ACOXL: variants seen among roughly 807,000 people sequenced by gnomAD.
ACOXL encodes acyl-coenzyme A oxidase-like protein.
Under a neutral mutation model 71.9 loss-of-function variants are expected in ACOXL, and 70 were observed. The observed-to-expected ratio is 0.97, with a 90% CI of 0.80 to 1.19. The LOEUF is 1.19. Ranked by LOEUF, ACOXL falls within the 50% of genes most tolerant of loss-of-function variation. The pLI is 0.00. For missense variants in ACOXL, 703 were observed against 736.3 expected, an observed-to-expected ratio of 0.95 and a Z score of 0.52; for synonymous variants, 253 against 281.6, an observed-to-expected ratio of 0.90 and a Z score of 1.02.
Position 111,109,671 on chromosome 2 carries a change from ATTTTTTT to A in ACOXL, c.1543-7926_1543-7920del, listed in dbSNP as rs869081161. 4.2e-3 allele frequency among the ~76,000 whole-genome samples: 317 copies of A among 75,664 alleles called. No individual in the cohort carries two copies. The Middle Eastern group carries it at 0.056, about 13-fold the overall frequency. 49.6% of individuals were successfully genotyped at this position (75,664 alleles called of 152,430 possible). A position where few individuals can be genotyped will look rare whatever the true frequency, so the allele number is the denominator to read the frequency against. On this transcript the variant is annotated intron_variant, in intron 17 of 17. Coordinates refer to ENST00000439055, the MANE Select transcript of ACOXL (RefSeq NM_001142807.4). ...CTATTATATCCATTTTTCTCCTTCT[ATTTTTTT>A]TTTTTTTTTTTTTTTTTTGAGACAG... is the stretch of plus-strand genomic sequence containing the variant.
At chr2:111,099,863 A>G (rs2069025952) in intron 17 of ACOXL, 1 of 152,272 alleles carries the variant, frequency 6.6e-6, no homozygotes, top group Non-Finnish European at 1.5e-5. Flanking sequence ...ACAATTGTAT[A>G]TCTCCATTAA....
intron 16 of ACOXL, among the ~76,000 whole-genome samples, chr2:111,071,021 G>A (rs1017243029): frequency 6.6e-6 from 1 of 152,172 alleles, no homozygotes; most frequent in Non-Finnish European, 1.5e-5. Flanking sequence ...CAAAGACTTA[G>A]AAGGAAAAGC....
intron 12 of ACOXL, among the ~76,000 whole-genome samples, chr2:110,982,213 T>C (rs1192438112): frequency 2.0e-5 from 3 of 152,130 alleles, no homozygotes; most frequent in African/African-American, 7.2e-5. Flanking sequence ...TGGAGTGCAG[T>C]GGCGCAATCT....
At chr2:111,013,711 G>A (rs190322170) in intron 14 of ACOXL, among the ~76,000 whole-genome samples, 5 of 152,010 alleles carry the variant, frequency 3.3e-5, no homozygotes, top group Admixed American at 2.6e-4. Context: ...TCCAGGTCCA[G>A]ATGGTTTTAC....
At chr2:111,066,403 A>G (rs2067074188) in intron 16 of ACOXL, among the ~76,000 whole-genome samples, 1 of 152,138 alleles carries the variant, frequency 6.6e-6, no homozygotes, top group Admixed American at 6.6e-5. Flanking sequence ...AGAGGAAGGA[A>G]GTAGGTGTGG....
intron 17 of ACOXL, among the ~76,000 whole-genome samples, chr2:111,110,164 T>C (rs192923491): frequency 4.1e-4 from 62 of 152,240 alleles, no homozygotes; most frequent in Non-Finnish European, 6.8e-4. Context: ...CTATAACAGA[T>C]TTTACTTTCT....
intron 14 of ACOXL, among the ~76,000 whole-genome samples, chr2:111,029,125 A>G (rs2065148237): frequency 6.6e-6 from 1 of 152,216 alleles, no homozygotes. Context: ...CTTAAAACAG[A>G]GCCTGTTTTC....
intron 1 of ACOXL, among the ~76,000 whole-genome samples, chr2:110,751,269 C>T (rs1232544643): frequency 5.4e-5 from 8 of 148,320 alleles, no homozygotes; most frequent in Non-Finnish European, 1.0e-4. Flanking sequence ...CCACTGCACT[C>T]CAGCCTGGGC....
In ACOXL at chr2:110,908,848, A is replaced by G. The variant is rs1415607704; in HGVS notation, c.848A>G (p.Gln283Arg). 3.1e-6 allele frequency: 5 copies of G among 1,614,184 alleles called. No individual in the cohort carries two copies. The East Asian group carries it at 8.9e-5, about 29-fold the overall frequency. ...EEVKIIEHQT[Q>R]TLRLMPHLAT... ...GTGAAGATCATTGAGCACCAAACAC[A>G]GACCCTGCGGCTGATGCCCCACCTG... The change falls in exon 11 of 18, where the codon CAG becomes CGG. Residue 283 changes from glutamine to arginine, a missense_variant. Gln to Arg is a conservative substitution (Grantham distance 43). Coordinates refer to ENST00000439055, the MANE Select transcript of ACOXL (RefSeq NM_001142807.4).
Position 110,875,192 on chromosome 2 carries a change from G to A in ACOXL, c.789-33597G>A, listed in dbSNP as rs114101468. On this transcript the variant is annotated intron_variant, in intron 10 of 17. Coordinates refer to ENST00000439055, the MANE Select transcript of ACOXL (RefSeq NM_001142807.4). ...CAGGATGTACACTTTGTTTCACAGG[G>A]ACAAAGGATGGCCGTTCATGTGTAA... Among the ~76,000 whole-genome samples the A allele has an allele frequency of 6.6e-3, 1,002 of 152,292 alleles. 2 individuals are homozygous for A. The highest frequency in any genetic ancestry group is 0.011 in the Non-Finnish European group (735 of 68,020).
chr2:110,765,022 CTTCA>C (rs1347694183), intron 1 of ACOXL, among the ~76,000 whole-genome samples: 2 of 152,120 alleles, frequency 1.3e-5, no homozygotes, highest in Non-Finnish European at 2.9e-5. Context: ...TATTCCTCTT[CTTCA>C]TTCTTGAAGG....
intron 12 of ACOXL, among the ~76,000 whole-genome samples, chr2:110,979,568 G>A (rs569334105): frequency 1.6e-4 from 24 of 152,278 alleles, no homozygotes; most frequent in African/African-American, 5.1e-4. Context: ...TGCAGGAGTG[G>A]TGTGCTCCTG....
intron 10 of ACOXL, among the ~76,000 whole-genome samples, chr2:110,904,692 T>C (rs565883588): frequency 6.6e-6 from 1 of 152,200 alleles, no homozygotes; most frequent in East Asian, 1.9e-4. Context: ...AACAATAGCA[T>C]TGGTTAGAAG....
chr2:111,045,875 C>T (rs2065995713), intron 15 of ACOXL, among the ~76,000 whole-genome samples: 6 of 152,116 alleles, frequency 3.9e-5, no homozygotes, highest in Admixed American at 2.6e-4. Flanking sequence ...CCACGAAGGG[C>T]ACTGGACTGA....
At chr2:111,064,533 G>A (rs567322132) in intron 16 of ACOXL, among the ~76,000 whole-genome samples, 2 of 151,482 alleles carry the variant, frequency 1.3e-5, no homozygotes, top group South Asian at 2.1e-4. Context: ...CTTACTATAT[G>A]TAATACAATG....
At chr2:111,009,522 A>T (rs1467383435) in intron 14 of ACOXL, among the ~76,000 whole-genome samples, 1 of 152,060 alleles carries the variant, frequency 6.6e-6, no homozygotes, top group East Asian at 1.9e-4. Context: ...TCAAAAAAAA[A>T]AAAAAAGAAA....
chr2:110,896,598 A>T (rs2059018407), intron 10 of ACOXL, among the ~76,000 whole-genome samples: 1 of 152,210 alleles, frequency 6.6e-6, no homozygotes, highest in Non-Finnish European at 1.5e-5. Context: ...CATATAAAGT[A>T]GACTTTGGGG....
At chr2:111,026,144 G>A (rs926954607) in intron 14 of ACOXL, among the ~76,000 whole-genome samples, 26 of 152,050 alleles carry the variant, frequency 1.7e-4, no homozygotes, top group African/African-American at 9.7e-5. Context: ...CCCCAATACC[G>A]TACTGTTGCG....
chr2:110,976,427 G>A (rs1233925089), intron 12 of ACOXL, among the ~76,000 whole-genome samples: 1 of 152,218 alleles, frequency 6.6e-6, no homozygotes, highest in Non-Finnish European at 1.5e-5. Flanking sequence ...TTCTGAAGAA[G>A]GTTGCTTTGA....
Sources: allele counts gnomAD v4.1 joint callset (sites outside exome capture counted in the v4.1 genomes callset), GRCh38; gene constraint gnomAD v4.1.1; transcripts MANE v1.5; gene names NCBI Gene and HGNC (gene_info 2026-07-23, HGNC 2026-07-21).